LMO7: variants seen among roughly 807,000 people sequenced by gnomAD.
LMO7 encodes LIM domain 7.
Under a neutral mutation model 206.5 loss-of-function variants are expected in LMO7, and 120 were observed. The observed-to-expected ratio is 0.58, with a 90% CI of 0.50 to 0.68. LMO7 has a LOEUF of 0.68. Among genes scored for constraint, LMO7 ranks in the 30% least tolerant of loss-of-function variants. LMO7 has a pLI of 0.00. For missense variants in LMO7, 1,959 were observed against 1,957.9 expected (o/e 1.00, Z -0.01); for synonymous variants, 706 against 681.5 (o/e 1.04, Z -0.56).
At chr13:75,717,799 C>T (rs2043678133) in intron 2 of LMO7, among the ~76,000 whole-genome samples, 1 of 152,196 alleles carries the variant, frequency 6.6e-6, no homozygotes, top group Non-Finnish European at 1.5e-5. Context: ...ATGGGAAGCC[C>T]AGAGGCTTTC....
Position 75,821,197 on chromosome 13 carries a change from C to A in LMO7, c.2228C>A (p.Ser743Tyr). 1 of 1,607,586 alleles carries A rather than the reference C, an allele frequency of 6.2e-7. No homozygotes were observed. Among genetic ancestry groups the A allele is most frequent in the Non-Finnish European group, 8.5e-7 (1 of 1,177,828 alleles). The stretch of plus-strand genomic sequence containing the variant: ...CTAAGGGAATCCCAAAATCAAAAGT[C>A]TACAGTTCCGTCAAGAAGGAGAATG... ...LQDRESQNQK[S>Y]TVPSRRRMYS... is the part of the protein sequence containing the mutation. Residue 743 changes from serine to tyrosine, a missense_variant, in exon 14 of 31, where the codon TCT (serine) becomes TAT (tyrosine). Coordinates refer to ENST00000377534, the MANE Select transcript of LMO7 (RefSeq NM_001306080.2).
chr13:75,728,595 A>G lies in LMO7; in HGVS notation c.210+1497A>G, dbSNP rs1376422262. ...TAGGTTGCCTGTTCACTCTGATGGT[A>G]GTTTCTTTTGCTGTGCAGAAGCTCT... On this transcript the variant is annotated intron_variant, in intron 3 of 30. Coordinates refer to ENST00000377534, the MANE Select transcript of LMO7 (RefSeq NM_001306080.2). 6.9e-3 allele frequency among the ~76,000 whole-genome samples: 973 copies of G among 141,160 alleles called. 16 individuals are homozygous for G. The highest frequency in any genetic ancestry group is 0.024 in the African/African-American group (878 of 36,026). The allele number at this position is 141,160 out of a possible 152,430, so 92.6% of individuals were successfully genotyped here. A position where few individuals can be genotyped will look rare whatever the true frequency, so the allele number is the denominator to read the frequency against.
At chr13:75,735,433 A>G (rs2045721865) in intron 3 of LMO7, among the ~76,000 whole-genome samples, 1 of 152,076 alleles carries the variant, frequency 6.6e-6, no homozygotes, top group African/African-American at 2.4e-5. Flanking sequence ...TATTTAAGGA[A>G]TAAAATGAAA....
chr13:75,730,988 G>A (rs1225350692), intron 3 of LMO7, among the ~76,000 whole-genome samples: 64 of 151,608 alleles, frequency 4.2e-4, no homozygotes, highest in Non-Finnish European at 1.6e-4. Flanking sequence ...CCTGTGGTCT[G>A]AGAGACAGTT....
At chr13:75,767,742 G>A (rs954282017) in intron 4 of LMO7, among the ~76,000 whole-genome samples, 4 of 152,084 alleles carry the variant, frequency 2.6e-5, no homozygotes, top group Admixed American at 2.6e-4. Context: ...TTGAGCAGAT[G>A]TGTATCCGTG....
rs758073342 is a variant in LMO7 at position 75,853,390 on chromosome 13, T to TG, written c.4661+3dup. 1 of 1,576,862 alleles carries TG rather than the reference T, an allele frequency of 6.3e-7. No homozygotes were observed. Among genetic ancestry groups the TG allele is most frequent in the Non-Finnish European group, 8.6e-7 (1 of 1,160,398 alleles). On this transcript the variant is annotated splice_region_variant and intron_variant, in intron 28 of 30. Transcript: ENST00000377534. ...GTCAGGCTCTCAGCTGCGTAACAGGTGAGGCCCTTGCTGTTTCTCTTTCTT... is the reference window on the plus strand; with the variant it reads ...GTCAGGCTCTCAGCTGCGTAACAGGTGGAGGCCCTTGCTGTTTCTCTTTCTT...
intron 11 of LMO7, among the ~76,000 whole-genome samples, chr13:75,812,614 C>T (rs1378059843): frequency 2.6e-5 from 4 of 152,230 alleles, no homozygotes; most frequent in Middle Eastern, 3.4e-3. Context: ...CAAAAAGTGA[C>T]AGGAGCATAG....
rs2060992385 is a variant in LMO7 at position 75,856,720 on chromosome 13, T to G, written c.4873+112T>G. 7.2e-6 allele frequency: 5 copies of G among 698,042 alleles called. No homozygotes were observed. In the East Asian group the frequency reaches 1.3e-4, roughly 18 times the overall value. 43.2% of individuals were successfully genotyped at this position (698,042 alleles called of 1,614,324 possible). A position where few individuals can be genotyped will look rare whatever the true frequency, so the allele number is the denominator to read the frequency against. ...CCCTCCAAGTTCACTGCCATAGGAT[T>G]CCAGGTTTCAAGAATTGTAGTGTGT... On this transcript the variant is annotated intron_variant, in intron 30 of 30. Coordinates refer to ENST00000377534, the MANE Select transcript of LMO7 (RefSeq NM_001306080.2).
intron 1 of LMO7, among the ~76,000 whole-genome samples, chr13:75,637,113 C>T (rs1338357280): frequency 6.9e-6 from 1 of 143,944 alleles, no homozygotes; most frequent in Non-Finnish European, 1.5e-5. Context: ...GGTGCATTCC[C>T]TCGGGGTGCC....
At chr13:75,849,526 T>C (rs1273668428) in intron 27 of LMO7, among the ~76,000 whole-genome samples, 2 of 151,600 alleles carry the variant, frequency 1.3e-5, no homozygotes, top group African/African-American at 4.8e-5. Context: ...GAGGGAACTT[T>C]GACTCAAGCA....
At chr13:75,635,050 G>A (rs1312255055), upstream of LMO7, among the ~76,000 whole-genome samples, 2 of 150,944 alleles carry the variant, frequency 1.3e-5, no homozygotes, top group African/African-American at 2.4e-5. Context: ...AAAACAAACA[G>A]AAAGTAAATA....
intron 3 of LMO7, among the ~76,000 whole-genome samples, chr13:75,738,346 G>A (rs2046126652): frequency 6.6e-6 from 1 of 152,220 alleles, no homozygotes; most frequent in Admixed American, 6.5e-5. Context: ...ATATGGACCT[G>A]TGGGAAAACC....
chr13:75,670,656 A>C (rs2039482083), intron 1 of LMO7, among the ~76,000 whole-genome samples: 1 of 152,240 alleles, frequency 6.6e-6, no homozygotes, highest in Non-Finnish European at 1.5e-5. Flanking sequence ...CCATGAATGG[A>C]GCTTGCAGGA....
chr13:75,736,490 CAA>C (rs1428258802), intron 3 of LMO7, among the ~76,000 whole-genome samples: 4 of 152,266 alleles, frequency 2.6e-5, no homozygotes, highest in South Asian at 2.1e-4. Context: ...TGCAGATAGT[CAA>C]AGAATGTTTG....
Position 75,655,637 on chromosome 13 carries a change from TTATA to T in LMO7, c.69+18961_69+18964del, listed in dbSNP as rs67966172. Among the ~76,000 whole-genome samples the T allele has an allele frequency of 3.3e-3, 446 of 134,330 alleles. 1 individual carries two copies. The highest frequency in any genetic ancestry group is 4.1e-3 in the African/African-American group (139 of 34,200). The allele number at this position is 134,330 out of a possible 152,430, so 88.1% of individuals were successfully genotyped here. On this transcript the variant is annotated intron_variant, in intron 1 of 30. Coordinates refer to ENST00000377534, the MANE Select transcript of LMO7 (RefSeq NM_001306080.2). ...TGCTGAATATTTTTGTTCATGGATTTTATATATATATATATATATATATATATAT... is the reference window on the plus strand; with the variant it reads ...TGCTGAATATTTTTGTTCATGGATTTTATATATATATATATATATATATAT...
chr13:75,695,127 C>G (rs559951212), intron 1 of LMO7, among the ~76,000 whole-genome samples: 48 of 152,312 alleles, frequency 3.2e-4, no homozygotes, highest in African/African-American at 9.9e-4. Context: ...TAACTCCCTT[C>G]TGAGCTGTAC....
intron 1 of LMO7, among the ~76,000 whole-genome samples, chr13:75,637,229 C>A (rs1228679181): frequency 6.6e-6 from 1 of 152,162 alleles, no homozygotes; most frequent in African/African-American, 2.4e-5. Flanking sequence ...GGAGGTAACA[C>A]ACCGAAGGCC....
In LMO7 at chr13:75,841,121, C is replaced by T. The variant is rs373742063; in HGVS notation, c.3595C>T (p.Arg1199Cys). 61 of 1,608,310 alleles carry T rather than the reference C, an allele frequency of 3.8e-5. No homozygotes were observed. Among genetic ancestry groups the T allele is most frequent in the Non-Finnish European group, 4.7e-5 (55 of 1,175,626 alleles). ...TATTTTCTTATAGGAAAAATATCAA[C>T]GTGAGCAGGAGAAACTGAGGGAAGA... ...QDRLLQEKYQREQEKLREEWQ... is the reference protein window; with the variant it reads ...QDRLLQEKYQCEQEKLREEWQ... The change falls in exon 23 of 31, where the codon CGT becomes TGT. Residue 1199 changes from arginine to cysteine, a missense_variant. Transcript: ENST00000377534.
At chr13:75,844,778 C>A (rs1398032681) in intron 25 of LMO7, among the ~76,000 whole-genome samples, 1 of 152,168 alleles carries the variant, frequency 6.6e-6, no homozygotes, top group African/African-American at 2.4e-5. Flanking sequence ...TTGATTTATA[C>A]ACCTACATTT....
Sources: allele counts gnomAD v4.1 joint callset (sites outside exome capture counted in the v4.1 genomes callset), GRCh38; gene constraint gnomAD v4.1.1; transcripts MANE v1.5; gene names NCBI Gene and HGNC (gene_info 2026-07-23, HGNC 2026-07-21).